Variants in ADAMTS12 observed in about 807,000 individuals in gnomAD.
ADAMTS12 encodes A disintegrin and metalloproteinase with thrombospondin motifs 12.
A neutral mutation model predicts 167.8 loss-of-function variants in ADAMTS12; 118 were observed. That is an observed-to-expected ratio of 0.70 (90% CI 0.61 to 0.82). ADAMTS12 has a LOEUF of 0.82. ADAMTS12 is among the 40% of genes least tolerant of loss of function. The pLI, the probability that ADAMTS12 is intolerant of heterozygous loss-of-function variation, is 0.00. For synonymous variants in ADAMTS12, 704 were observed against 716.9 expected (o/e 0.98, Z 0.29); for missense variants, 1,916 against 1,998.8 (o/e 0.96, Z 0.79).
chr5:33,712,779 A>G (rs1743450016), intron 3 of ADAMTS12, among the ~76,000 whole-genome samples: 1 of 152,076 alleles, frequency 6.6e-6, no homozygotes, highest in Non-Finnish European at 1.5e-5. Flanking sequence ...CAAAGAGGTG[A>G]AGCTGGTTGA....
rs61110268 is a variant in ADAMTS12, at chr5:33,760,879, C to CTGTGTGTG, written c.490-9339_490-9332dup. 2.1e-4 allele frequency among the ~76,000 whole-genome samples: 31 copies of CTGTGTGTG among 145,572 alleles called. No individual in the cohort carries two copies. In the East Asian group the frequency reaches 2.8e-3, roughly 13 times the overall value. ...TTCTCATAATTTCTTTGTCTTTGCTCTGTGTGTGTGTGTGTGTGTGTGTGT... is the reference window on the plus strand; with the variant it reads ...TTCTCATAATTTCTTTGTCTTTGCTCTGTGTGTGTGTGTGTGTGTGTGTGTGTGTGTGT... On this transcript the variant is annotated intron_variant, in intron 2 of 23. Transcript: ENST00000504830.
In ADAMTS12 at chr5:33,800,496, C is replaced by T. The variant is rs367809369; in HGVS notation, c.490-48948G>A. ...TTCTCACAGAACTATGAGTTTTGGCCGTTTCCCATAGCCTTCTACTATTTA... is the reference window on the plus strand; with the variant it reads ...TTCTCACAGAACTATGAGTTTTGGCTGTTTCCCATAGCCTTCTACTATTTA... On this transcript the variant is annotated intron_variant, in intron 2 of 23. Coordinates refer to ENST00000504830, the MANE Select transcript of ADAMTS12 (RefSeq NM_030955.4). 7.9e-5 allele frequency among the ~76,000 whole-genome samples: 12 copies of T among 152,170 alleles called. No individual in the cohort carries two copies. In the East Asian group the frequency reaches 1.5e-3, roughly 20 times the overall value.
At chr5:33,725,193 G>A (rs557247171) in intron 3 of ADAMTS12, among the ~76,000 whole-genome samples, 13 of 152,168 alleles carry the variant, frequency 8.5e-5, no homozygotes, top group Non-Finnish European at 1.9e-4. Flanking sequence ...TAGAAACATT[G>A]ATTTCTTTCA....
intron 7 of ADAMTS12, among the ~76,000 whole-genome samples, chr5:33,655,510 A>C (rs1640492092): frequency 6.6e-6 from 1 of 151,578 alleles, no homozygotes; most frequent in Non-Finnish European, 1.5e-5. Context: ...TTTATTGTCT[A>C]CCTTCCCTGT....
rs186957644 is a variant in ADAMTS12 at position 33,786,770 on chromosome 5, T to C, written c.490-35222A>G. Among the ~76,000 whole-genome samples the C allele has an allele frequency of 1.8e-3, 280 of 152,310 alleles. 1 individual carries two copies. Among genetic ancestry groups the C allele is most frequent in the African/African-American group, 6.4e-3 (265 of 41,566 alleles). On this transcript the variant is annotated intron_variant, in intron 2 of 23. Coordinates refer to ENST00000504830, the MANE Select transcript of ADAMTS12 (RefSeq NM_030955.4). ...GTGCAACGTGGGATAAATATTACTC[T>C]ACGAAAAACTATTTTCTGACCTTTT...
chr5:33,549,029 T>G (rs551883065), intron 21 of ADAMTS12, among the ~76,000 whole-genome samples, 178 bp downstream of exon 21: 65 of 152,320 alleles, frequency 4.3e-4, no homozygotes, highest in African/African-American at 1.4e-3. Context: ...TTTTTTCACC[T>G]CCTGAAAGTG....
At chr5:33,650,147 T>C (rs1377020090) in intron 7 of ADAMTS12, among the ~76,000 whole-genome samples, 1 of 152,338 alleles carries the variant, frequency 6.6e-6, no homozygotes, top group East Asian at 1.9e-4. Context: ...TGGGAGACTT[T>C]GTCAAAGCCT....
chr5:33,824,394 T>G (rs1747981080), intron 2 of ADAMTS12, among the ~76,000 whole-genome samples: 1 of 152,194 alleles, frequency 6.6e-6, no homozygotes, highest in Non-Finnish European at 1.5e-5. Flanking sequence ...CCTTCTATAT[T>G]AAAAGATCAT....
At chr5:33,636,712 A>G (rs993476052) in intron 12 of ADAMTS12, among the ~76,000 whole-genome samples, 1 of 152,156 alleles carries the variant, frequency 6.6e-6, no homozygotes, top group Non-Finnish European at 1.5e-5. Context: ...TTGATTAGCT[A>G]TTTTTTACTA....
chr5:33,633,962 C>T (rs961275326), intron 12 of ADAMTS12, among the ~76,000 whole-genome samples: 2 of 152,060 alleles, frequency 1.3e-5, no homozygotes, highest in Non-Finnish European at 2.9e-5. Context: ...AACTAATTTA[C>T]TAGTGAACTC....
At chr5:33,529,560 A>T (rs1743994466) in intron 23 of ADAMTS12, among the ~76,000 whole-genome samples, 1 of 152,182 alleles carries the variant, frequency 6.6e-6, no homozygotes, top group Non-Finnish European at 1.5e-5. Flanking sequence ...GGAAAAGTAG[A>T]AATGGAAATA....
chr5:33,574,870 G>A (rs376521674), intron 19 of ADAMTS12, among the ~76,000 whole-genome samples: 14 of 152,164 alleles, frequency 9.2e-5, no homozygotes, highest in South Asian at 8.3e-4. Context: ...TTTAACTGGC[G>A]AGATGAGTCA....
At chr5:33,723,370 C>T (rs989475823) in intron 3 of ADAMTS12, among the ~76,000 whole-genome samples, 3 of 152,144 alleles carry the variant, frequency 2.0e-5, no homozygotes, top group African/African-American at 7.2e-5. Flanking sequence ...CCTCAGTCAT[C>T]CTTTTGACCC....
chr5:33,650,467 A>T (rs149234653), intron 7 of ADAMTS12, among the ~76,000 whole-genome samples: 233 of 152,324 alleles, frequency 1.5e-3, no homozygotes, highest in African/African-American at 5.5e-3. Flanking sequence ...TTTTATCATG[A>T]TCTAGCTTAT....
chr5:33,682,622 G>A (rs62352062), intron 5 of ADAMTS12, among the ~76,000 whole-genome samples: 8,033 of 152,250 alleles, frequency 0.053, 442 homozygotes, highest in East Asian at 0.17. Context: ...AATCTGAGAG[G>A]CTTGTGTTAA....
intron 10 of ADAMTS12, 76 bp from the exon 11 acceptor site, chr5:33,642,031 C>A: frequency 1.4e-6 from 2 of 1,423,948 alleles, no homozygotes; most frequent in South Asian, 1.6e-5. Flanking sequence ...CCCTAAAAGT[C>A]TAAACCCAAT....
intron 2 of ADAMTS12, among the ~76,000 whole-genome samples, chr5:33,793,721 A>T (rs1302235933): frequency 6.6e-6 from 1 of 152,044 alleles, no homozygotes; most frequent in African/African-American, 2.4e-5. Context: ...CACAGGCCTC[A>T]CTCAGCTCCC....
chr5:33,687,294 C>T (rs541714552), intron 3 of ADAMTS12, among the ~76,000 whole-genome samples: 2 of 152,260 alleles, frequency 1.3e-5, no homozygotes, highest in South Asian at 2.1e-4. Context: ...AAGCACATAG[C>T]ACCATACCTC....
At chr5:33,691,572 C>A (rs537878166) in intron 3 of ADAMTS12, among the ~76,000 whole-genome samples, 9 of 152,240 alleles carry the variant, frequency 5.9e-5, no homozygotes, top group Non-Finnish European at 1.2e-4. Context: ...TTAAATAGAG[C>A]CACTAGGGAA....
Sources: gnomAD v4.1 joint callset for allele counts (sites outside exome capture counted in the v4.1 genomes callset) on GRCh38, gnomAD v4.1.1 for gene constraint, MANE v1.5 for transcripts, NCBI Gene and HGNC (gene_info 2026-07-23, HGNC 2026-07-21) for gene names.